The following TMC1 variants were observed in gnomAD, a reference collection of about 807,000 sequenced individuals.
TMC1 encodes the protein transmembrane channel like 1, also known as transmembrane channel-like protein 1.
A neutral mutation model predicts 105.8 loss-of-function variants in TMC1; 84 were observed. That is an observed-to-expected ratio of 0.79 (90% CI 0.67 to 0.95). The LOEUF is 0.95. Ranked by LOEUF, TMC1 falls within the 40% of genes least tolerant of loss-of-function variation. The probability of loss-of-function intolerance (pLI) is 0.00; values close to 1 mark genes in which losing one functional copy is unlikely to be tolerated. For synonymous variants in TMC1, 315 were observed against 311.5 expected, an observed-to-expected ratio of 1.01 and a Z score of -0.12; for missense variants, 817 against 914.1, an observed-to-expected ratio of 0.89 and a Z score of 1.37.
intron 8 of TMC1, among the ~76,000 whole-genome samples, chr9:72,734,146 T>G (rs1411166438): frequency 6.6e-6 from 1 of 152,194 alleles, no homozygotes; most frequent in South Asian, 2.1e-4. Flanking sequence ...ATCATGCTAC[T>G]CAGGACAGCA....
chr9:72,705,169 A>G (rs1826717147), intron 8 of TMC1, among the ~76,000 whole-genome samples: 1 of 152,120 alleles, frequency 6.6e-6, no homozygotes, highest in Non-Finnish European at 1.5e-5. Flanking sequence ...ACCACAAGTG[A>G]AATAAAATAC....
At chr9:72,626,119 A>G (rs1825342944) in intron 3 of TMC1, among the ~76,000 whole-genome samples, 1 of 152,180 alleles carries the variant, frequency 6.6e-6, no homozygotes, top group Admixed American at 6.5e-5. Context: ...CAGGAGACAG[A>G]TGTTCGAATG....
At chr9:72,540,853 A>G (rs1823662849) in intron 1 of TMC1, among the ~76,000 whole-genome samples, 1 of 152,076 alleles carries the variant, frequency 6.6e-6, no homozygotes, top group African/African-American at 2.4e-5. Context: ...CTGTGTCCTT[A>G]TTTTCTTATA....
intron 5 of TMC1, among the ~76,000 whole-genome samples, chr9:72,670,714 C>T (rs1826115796): frequency 6.6e-6 from 1 of 151,986 alleles, no homozygotes; most frequent in Non-Finnish European, 1.5e-5. Flanking sequence ...AATAAAAAGA[C>T]AATAAAATAT....
intron 4 of TMC1, among the ~76,000 whole-genome samples, chr9:72,644,154 A>G (rs1206643758): frequency 6.6e-6 from 1 of 152,108 alleles, no homozygotes; most frequent in Non-Finnish European, 1.5e-5. Context: ...AGAGTGCTAT[A>G]TATATTCTGG....
intron 1 of TMC1, 65 bp from the exon 2 acceptor site, chr9:72,577,819 GTGTTTTGGGCTCTGCCTC>G (rs1157679357): frequency 6.6e-6 from 1 of 152,120 alleles, no homozygotes; most frequent in African/African-American, 2.4e-5. Context: ...CCAGCATGCT[GTGTTTTGGGCTCTGCCTC>G]TTGTAATTTT....
chr9:72,820,087 A>G (rs904024738), intron 19 of TMC1, among the ~76,000 whole-genome samples: 2 of 152,210 alleles, frequency 1.3e-5, no homozygotes, highest in East Asian at 3.8e-4. Flanking sequence ...AAGCTAAAGT[A>G]AGAAAGTAAA....
chr9:72,747,135 T>C (rs894625399), intron 10 of TMC1, among the ~76,000 whole-genome samples: 3 of 152,294 alleles, frequency 2.0e-5, no homozygotes, highest in East Asian at 1.9e-4. Context: ...GAAACCTATT[T>C]TTTTTCAGAC....
At chr9:72,571,318 G>C (rs1466726276) in intron 1 of TMC1, among the ~76,000 whole-genome samples, 1 of 151,020 alleles carries the variant, frequency 6.6e-6, no homozygotes, top group African/African-American at 2.4e-5. Context: ...ACAAGACTCT[G>C]TCTCAAAAAA....
At chr9:72,830,738 C>CTTTTTTTTTTTTTTTTTTTTTTTTCT in intron 23 of TMC1, 56 bp downstream of exon 23, 1 of 982,718 alleles carries the variant, frequency 1.0e-6, no homozygotes, top group African/African-American at 1.9e-5. Flanking sequence ...CTTTTTCTTT[C>CTTTTTTTTTTTTTTTTTTTTTTTTCT]TTTTTTTTTT....
chr9:72,814,832 C>T (rs1035159209), intron 18 of TMC1, among the ~76,000 whole-genome samples: 2 of 150,672 alleles, frequency 1.3e-5, no homozygotes, highest in African/African-American at 4.9e-5. Context: ...CCAATTCTAT[C>T]TTTTTACAAA....
intron 8 of TMC1, among the ~76,000 whole-genome samples, chr9:72,715,233 CATGTATTGGGGTTG>C (rs1461721399): frequency 2.0e-5 from 3 of 152,190 alleles, no homozygotes; most frequent in East Asian, 3.9e-4. Flanking sequence ...CTGATGATTA[CATGTATTGGGGTTG>C]CTCTTCTTGA....
chr9:72,605,155 C>G (rs960677753), intron 2 of TMC1, among the ~76,000 whole-genome samples: 2 of 152,064 alleles, frequency 1.3e-5, no homozygotes, highest in African/African-American at 4.8e-5. Context: ...ACATGGATTC[C>G]GAAAGACAAA....
At chr9:72,792,450 T>TA (rs1828289107) in intron 17 of TMC1, 98 bp downstream of exon 17, 2 of 1,374,048 alleles carry the variant, frequency 1.5e-6, no homozygotes. Flanking sequence ...TGCTTATTAG[T>TA]AAAAATAGCT....
chr9:72,760,141 T>G (rs1310389320), intron 12 of TMC1, among the ~76,000 whole-genome samples: 1 of 152,148 alleles, frequency 6.6e-6, no homozygotes, highest in African/African-American at 2.4e-5. Flanking sequence ...CTTTGAAAAT[T>G]GTTATTATTA....
chr9:72,809,031 G>A (rs1408911585), intron 18 of TMC1: 1 of 152,294 alleles, frequency 6.6e-6, no homozygotes, highest in Non-Finnish European at 1.5e-5. Flanking sequence ...GGATGCTCTT[G>A]TGTTGCTTTC....
intron 5 of TMC1, among the ~76,000 whole-genome samples, chr9:72,663,883 T>C (rs539452861): frequency 9.8e-5 from 15 of 152,294 alleles, no homozygotes; most frequent in Middle Eastern, 3.4e-3. Flanking sequence ...TCTATTTTCA[T>C]TTTTTCCCTT....
At chr9:72,713,098 C>T (rs1330605491) in intron 8 of TMC1, among the ~76,000 whole-genome samples, 2 of 152,162 alleles carry the variant, frequency 1.3e-5, no homozygotes, top group Admixed American at 6.5e-5. Context: ...ATATGTTGAA[C>T]CAGCCTTGCA....
chr9:72,627,652 A>G (rs1020882665), intron 3 of TMC1, among the ~76,000 whole-genome samples: 31 of 151,990 alleles, frequency 2.0e-4, no homozygotes, highest in African/African-American at 7.0e-4. Flanking sequence ...TGTGTATTTC[A>G]AATGTCACTT....
Sources: allele counts gnomAD v4.1 joint callset (sites outside exome capture counted in the v4.1 genomes callset), GRCh38; gene constraint gnomAD v4.1.1; transcripts MANE v1.5; gene names NCBI Gene and HGNC (gene_info 2026-07-23, HGNC 2026-07-21).